Variants in EIF2S2 observed in about 807,000 individuals in gnomAD.
EIF2S2 encodes eukaryotic translation initiation factor 2 subunit 2.
Under a neutral mutation model 44.0 loss-of-function variants are expected in EIF2S2, and 4 were observed. The ratio of observed to expected loss-of-function variants is 0.09; its 90% CI spans 0.04 to 0.21. EIF2S2 has a LOEUF of 0.21. EIF2S2 is among the 10% of genes least tolerant of loss of function. EIF2S2 has a pLI of 1.00. For missense variants in EIF2S2, 154 were observed against 392.0 expected (o/e 0.39, Z 5.13); for synonymous variants, 108 against 128.3 (o/e 0.84, Z 1.07).
intron 3 of EIF2S2, among the ~76,000 whole-genome samples, chr20:34,101,524 C>T (rs764054649): frequency 1.3e-5 from 2 of 152,080 alleles, no homozygotes. Context: ...GTCTCTAAGT[C>T]AATAAATAAG....
chr20:34,111,733 G>A (rs1475974311), intron 1 of EIF2S2, among the ~76,000 whole-genome samples: 1 of 152,380 alleles, frequency 6.6e-6, no homozygotes, highest in East Asian at 1.9e-4. Context: ...ACCCAGTGAG[G>A]CGAGCTGGGG....
At chr20:34,109,661 TAAAAAAAC>T (rs1024534038) in intron 1 of EIF2S2, among the ~76,000 whole-genome samples, 6 of 151,824 alleles carry the variant, frequency 4.0e-5, no homozygotes, top group African/African-American at 1.2e-4. Flanking sequence ...ACCCTGTCTC[TAAAAAAAC>T]AAAACAACAA....
chr20:34,093,831 A>G, intron 6 of EIF2S2, 100 bp from the exon 7 acceptor site: 2 of 1,049,750 alleles, frequency 1.9e-6, no homozygotes, highest in Non-Finnish European at 1.4e-6. Flanking sequence ...TTATTTAGCT[A>G]TTAAGTGAAT....
Position 34,091,776 on chromosome 20 carries a change from T to TTTTGG in EIF2S2, c.741-1175_741-1174insCCAAA, listed in dbSNP as rs4012181. 5.5e-3 allele frequency among the ~76,000 whole-genome samples: 523 copies of TTTTGG among 95,796 alleles called. 20 individuals carry two copies. Among genetic ancestry groups the TTTTGG allele is most frequent in the African/African-American group, 0.018 (499 of 28,066 alleles). 62.8% of individuals were successfully genotyped at this position (95,796 alleles called of 152,430 possible). ...TATTATTTATATATATTTATTTTTT[T>TTTTGG]GGGGGGGGGGGGTCCAAGGGTGGAG... On this transcript the variant is annotated intron_variant, in intron 7 of 8. Transcript: ENST00000374980.
chr20:34,100,418 T>TA (rs1327679554), intron 3 of EIF2S2, among the ~76,000 whole-genome samples: 1 of 152,158 alleles, frequency 6.6e-6, no homozygotes, highest in African/African-American at 2.4e-5. Context: ...TCTAAAATCA[T>TA]AGCTTTGTCC....
intron 7 of EIF2S2, among the ~76,000 whole-genome samples, chr20:34,092,984 T>A (rs1222953414): frequency 6.6e-6 from 1 of 152,226 alleles, no homozygotes; most frequent in Non-Finnish European, 1.5e-5. Context: ...GGAATATTAC[T>A]TTCTACTTCA....
intron 1 of EIF2S2, among the ~76,000 whole-genome samples, chr20:34,107,455 A>G (rs1039872077): frequency 6.6e-6 from 1 of 152,358 alleles, no homozygotes; most frequent in Admixed American, 6.5e-5. Flanking sequence ...AAGTAGCAGA[A>G]TGACAACAAA....
At chr20:34,097,572 T>G in intron 4 of EIF2S2, 56 bp from the exon 5 acceptor site, 1 of 1,428,724 alleles carries the variant, frequency 7.0e-7, no homozygotes, top group East Asian at 2.3e-5. Flanking sequence ...AATACAAAAG[T>G]GGGGTGGGTC....
At chr20:34,092,669 AAAAAC>A (rs904720436) in intron 7 of EIF2S2, among the ~76,000 whole-genome samples, 19 of 152,328 alleles carry the variant, frequency 1.2e-4, no homozygotes, top group East Asian at 3.9e-4. Context: ...TCCATCTCAA[AAAAAC>A]AAAACAAAAC....
intron 3 of EIF2S2, among the ~76,000 whole-genome samples, chr20:34,103,031 T>C (rs764297568): frequency 7.2e-5 from 11 of 152,180 alleles, no homozygotes; most frequent in African/African-American, 1.9e-4. Flanking sequence ...ACAGGCCACA[T>C]TGTCATCAGC....
chr20:34,095,433 C>G (rs2034216720), intron 6 of EIF2S2, among the ~76,000 whole-genome samples: 1 of 152,092 alleles, frequency 6.6e-6, no homozygotes, highest in African/African-American at 2.4e-5. Context: ...CTGCCTCAGC[C>G]TCCCGAGTAG....
chr20:34,109,049 G>A (rs1425408088), intron 1 of EIF2S2, among the ~76,000 whole-genome samples: 2 of 151,930 alleles, frequency 1.3e-5, no homozygotes, highest in Non-Finnish European at 2.9e-5. Flanking sequence ...CCTGGCCTCA[G>A]CCTCCTGAGT....
chr20:34,108,745 T>A (rs1236930549), intron 1 of EIF2S2, among the ~76,000 whole-genome samples: 1 of 152,148 alleles, frequency 6.6e-6, no homozygotes, highest in East Asian at 1.9e-4. Context: ...CTGATGCTCA[T>A]CAAATTAGAA....
intron 6 of EIF2S2, among the ~76,000 whole-genome samples, chr20:34,095,592 G>A (rs1040469082): frequency 6.6e-6 from 1 of 152,182 alleles, no homozygotes; most frequent in Non-Finnish European, 1.5e-5. Flanking sequence ...GATTACAGGC[G>A]TGAGCTACTG....
chr20:34,090,500 A>G lies in EIF2S2; in HGVS notation c.826+17T>C, dbSNP rs745786481. On this transcript the variant is annotated intron_variant, in intron 8 of 8. Coordinates refer to ENST00000374980, the MANE Select transcript of EIF2S2 (RefSeq NM_003908.5). ...GAACATTTCAGGGTGATCTAATGAA[A>G]TGAATTATACACTTACTGATATATC... is the stretch of plus-strand genomic sequence containing the variant. The G allele has an allele frequency of 7.0e-7, 1 of 1,428,778 alleles. No individual in the cohort carries two copies. The highest frequency in any genetic ancestry group is 1.3e-5 in the South Asian group (1 of 75,638). The allele number at this position is 1,428,778 out of a possible 1,614,324, so 88.5% of individuals were successfully genotyped here. A position where few individuals can be genotyped will look rare whatever the true frequency, so the allele number is the denominator to read the frequency against.
Position 34,112,223 on chromosome 20 carries a change from G to A in EIF2S2, c.-113C>T. 2 of 1,205,880 alleles carry A rather than the reference G, an allele frequency of 1.7e-6. No individual in the cohort carries two copies. Among genetic ancestry groups the A allele is most frequent in the Non-Finnish European group, 2.2e-6 (2 of 908,448 alleles). The allele number at this position is 1,205,880 out of a possible 1,614,324, so 74.7% of individuals were successfully genotyped here. ...TCTCCCACCACCGCACTAGGCTCTT[G>A]CATCAGCGAAAGGAAACGACACCCC... On this transcript the variant is annotated 5_prime_UTR_variant, in exon 1 of 9. An upstream open reading frame in the 5' UTR gains an earlier in-frame stop. Coordinates refer to ENST00000374980, the MANE Select transcript of EIF2S2 (RefSeq NM_003908.5).
chr20:34,105,927 T>G (rs541484575), intron 1 of EIF2S2, among the ~76,000 whole-genome samples: 35 of 152,266 alleles, frequency 2.3e-4, no homozygotes, highest in African/African-American at 7.7e-4. Context: ...AATTTTTTTG[T>G]ATTGTTTTTT....
chr20:34,097,646 T>TA (rs546985558), intron 4 of EIF2S2, 130 bp from the exon 5 acceptor site: 8 of 678,432 alleles, frequency 1.2e-5, no homozygotes, highest in Non-Finnish European at 2.0e-5. Flanking sequence ...ACAACAGCCT[T>TA]AAGCATAAAG....
chr20:34,106,825 G>A (rs2034354886), intron 1 of EIF2S2, among the ~76,000 whole-genome samples: 1 of 152,138 alleles, frequency 6.6e-6, no homozygotes. Context: ...ATCACTTGAA[G>A]AAAGAAAAGT....
Sources: gnomAD v4.1 joint callset for allele counts (sites outside exome capture counted in the v4.1 genomes callset) on GRCh38, gnomAD v4.1.1 for gene constraint, MANE v1.5 for transcripts, NCBI Gene and HGNC (gene_info 2026-07-23, HGNC 2026-07-21) for gene names.